Variants in PTPRN2 observed in about 807,000 individuals in gnomAD.
PTPRN2 encodes the protein protein tyrosine phosphatase receptor type N2.
In PTPRN2, 74 loss-of-function variants were observed where a neutral mutation model predicts 118.8. The ratio of observed to expected loss-of-function variants is 0.62; its 90% CI spans 0.52 to 0.76. The LOEUF is 0.76. Among genes scored for constraint, PTPRN2 ranks in the 30% least tolerant of loss-of-function variants. The pLI is 0.00. For missense variants in PTPRN2, 1,481 were observed against 1,394.4 expected (o/e 1.06, Z -0.99); for synonymous variants, 641 against 608.0 (o/e 1.05, Z -0.80).
rs1357257350 is a variant in PTPRN2, at chr7:157,893,461, T to G, written c.1788+5212A>C. On this transcript the variant is annotated intron_variant, in intron 12 of 22. Coordinates refer to ENST00000389418, the MANE Select transcript of PTPRN2 (RefSeq NM_002847.5). This position sits in a 1 kb window ranked among gnomAD's most constrained non-coding sequence, Gnocchi z 4.0. ...GGGCAGAGGCCAATTCTTTCCAGAG[T>G]TAAATAGTCCACTTCACAGATAATC... is the stretch of plus-strand genomic sequence containing the variant. Among the ~76,000 whole-genome samples, 1 of 152,132 alleles carries G rather than the reference T, an allele frequency of 6.6e-6. No individual in the cohort carries two copies. The highest frequency in any genetic ancestry group is 1.5e-5 in the Non-Finnish European group (1 of 68,000).
chr7:158,336,636 C>T (rs1402403481), intron 2 of PTPRN2, among the ~76,000 whole-genome samples: 3 of 146,278 alleles, frequency 2.1e-5, no homozygotes, highest in African/African-American at 5.2e-5. Flanking sequence ...ATGCAGACGT[C>T]ACTCACACCC....
intron 13 of PTPRN2, among the ~76,000 whole-genome samples, chr7:157,670,127 G>A (rs578212883): frequency 1.3e-5 from 2 of 152,302 alleles, no homozygotes; most frequent in South Asian, 4.1e-4. Flanking sequence ...AGCCCCCGCC[G>A]GCCGACAGCT....
chr7:157,927,857 G>A (rs758844635), intron 11 of PTPRN2, among the ~76,000 whole-genome samples: 9 of 152,032 alleles, frequency 5.9e-5, no homozygotes, highest in African/African-American at 1.7e-4. Flanking sequence ...GAGTTCTTAC[G>A]CACACCCTTC....
Position 158,492,763 on chromosome 7 carries a change from A to C in PTPRN2, c.113-2978T>G, listed in dbSNP as rs181281390. 1.6e-4 allele frequency among the ~76,000 whole-genome samples: 25 copies of C among 152,384 alleles called. 1 individual carries two copies. The highest frequency in any genetic ancestry group is 5.8e-4 in the African/African-American group (24 of 41,602). On this transcript the variant is annotated intron_variant, in intron 1 of 22. Coordinates refer to ENST00000389418, the MANE Select transcript of PTPRN2 (RefSeq NM_002847.5). The stretch of plus-strand genomic sequence containing the variant: ...AAGTATCAGCCACCTACTAATAGTA[A>C]TTATGACCATAAATCATCCAGAGAA...
chr7:157,795,907 T>C (rs73746621), intron 12 of PTPRN2, among the ~76,000 whole-genome samples: 11,170 of 152,284 alleles, frequency 0.073, 1,357 homozygotes, highest in African/African-American at 0.25. Flanking sequence ...CATGTGATGC[T>C]GACGCCCTCA....
At chr7:157,747,681 A>G (rs1228599288) in intron 12 of PTPRN2, among the ~76,000 whole-genome samples, 63 of 61,666 alleles carry the variant, frequency 1.0e-3, no homozygotes, top group East Asian at 2.2e-3. Flanking sequence ...TGGGCTGTTG[A>G]GGTGATTCTG....
At chr7:158,166,311 C>G (rs76384408) in intron 6 of PTPRN2, among the ~76,000 whole-genome samples, 5 of 13,762 alleles carry the variant, frequency 3.6e-4, no homozygotes, top group East Asian at 3.9e-3. Context: ...TCCTCCCCCC[C>G]GGCCGCCGCG....
At chr7:157,918,645 C>G (rs1798544051) in intron 11 of PTPRN2, among the ~76,000 whole-genome samples, 1 of 152,160 alleles carries the variant, frequency 6.6e-6, no homozygotes, top group Non-Finnish European at 1.5e-5. Context: ...GAGAAGGCGT[C>G]ATGGCGTCGA....
chr7:158,353,272 C>T (rs73510396), intron 2 of PTPRN2, among the ~76,000 whole-genome samples: 4,869 of 152,292 alleles, frequency 0.032, 282 homozygotes, highest in African/African-American at 0.11. Context: ...GAAAACAACA[C>T]AATAGAAGTT....
rs958929656 is a variant in PTPRN2, at chr7:157,881,651, G to A, written c.1788+17022C>T. On this transcript the variant is annotated intron_variant, in intron 12 of 22. Transcript: ENST00000389418. This position sits in a 1 kb window ranked among gnomAD's most constrained non-coding sequence, Gnocchi z 4.7. ...CGTCTCTGCCTACGAGAAAGGAGAG[G>A]ATTTCCTGTTTTCGTGGAACGTTAA... is the stretch of plus-strand genomic sequence containing the variant. Among the ~76,000 whole-genome samples the A allele has an allele frequency of 3.3e-5, 5 of 152,130 alleles. No individual in the cohort carries two copies. In the East Asian group the frequency reaches 7.7e-4, roughly 23 times the overall value.
intron 2 of PTPRN2, among the ~76,000 whole-genome samples, chr7:158,455,092 A>G (rs530574591): frequency 6.6e-6 from 1 of 152,368 alleles, no homozygotes; most frequent in East Asian, 1.9e-4. Flanking sequence ...CCCTAAAAAC[A>G]AAATGAACAG....
intron 13 of PTPRN2, among the ~76,000 whole-genome samples, chr7:157,666,271 C>A (rs539316978): frequency 1.3e-5 from 2 of 152,234 alleles, no homozygotes; most frequent in East Asian, 1.9e-4. Flanking sequence ...AAGGTCCCTG[C>A]GTCTCAGTAT....
intron 3 of PTPRN2, among the ~76,000 whole-genome samples, chr7:158,279,076 A>T (rs1230254052): frequency 6.6e-6 from 1 of 152,184 alleles, no homozygotes; most frequent in Non-Finnish European, 1.5e-5. Context: ...CAAAAAAACA[A>T]ACCCTCCACA....
intron 11 of PTPRN2, among the ~76,000 whole-genome samples, chr7:158,017,972 G>T (rs1478503891): frequency 1.3e-5 from 2 of 152,090 alleles, no homozygotes; most frequent in Non-Finnish European, 2.9e-5. Context: ...ATCACTGTGG[G>T]CTGGGGCCTG....
intron 11 of PTPRN2, among the ~76,000 whole-genome samples, chr7:157,998,176 A>T (rs1804928072): frequency 6.6e-6 from 1 of 151,772 alleles, no homozygotes; most frequent in Admixed American, 6.6e-5. Flanking sequence ...GCCAAGGGAG[A>T]GGCCCAGGGC....
chr7:158,138,367 C>A lies in PTPRN2; in HGVS notation c.1059G>T (p.Gly353=). The A allele has an allele frequency of 1.2e-6, 2 of 1,613,860 alleles. No homozygotes were observed. The highest frequency in any genetic ancestry group is 1.7e-6 in the Non-Finnish European group (2 of 1,180,036). ...CTCCAGACTCTCCCAGGGCCGCTCTCCCAGGGCTGCCTCGAGCTACTCCAT... is the reference window on the plus strand; with the variant it reads ...CTCCAGACTCTCCCAGGGCCGCTCTACCAGGGCTGCCTCGAGCTACTCCAT... The part of the protein sequence containing the change: ...VDHGVARGSP[G]RAALGESGEQ... Residue 353 remains glycine (G), a synonymous_variant, in exon 7 of 23, where the codon GGG becomes GGT. Coordinates refer to ENST00000389418, the MANE Select transcript of PTPRN2 (RefSeq NM_002847.5).
chr7:158,063,738 G>A (rs865868843), intron 11 of PTPRN2, among the ~76,000 whole-genome samples: 12 of 152,218 alleles, frequency 7.9e-5, no homozygotes, highest in Middle Eastern at 3.4e-3. Context: ...GGGACACACC[G>A]CCTTTAAGAA....
chr7:157,759,622 G>T (rs764614322), intron 12 of PTPRN2, among the ~76,000 whole-genome samples: 1 of 152,328 alleles, frequency 6.6e-6, no homozygotes, highest in African/African-American at 2.4e-5. Context: ...CTCACTGTCC[G>T]GGGCGGCCTG....
chr7:158,370,152 G>A (rs1809853763), intron 2 of PTPRN2, among the ~76,000 whole-genome samples: 1 of 152,200 alleles, frequency 6.6e-6, no homozygotes, highest in Non-Finnish European at 1.5e-5. Flanking sequence ...TTAAAGGCTG[G>A]GAGAGGCCAG....
Sources: gnomAD v4.1 joint callset for allele counts (sites outside exome capture counted in the v4.1 genomes callset) on GRCh38, gnomAD v4.1.1 for gene constraint, Gnocchi (gnomAD v3.1) non-coding constraint, MANE v1.5 for transcripts, NCBI Gene and HGNC (gene_info 2026-07-23, HGNC 2026-07-21) for gene names.